Variants in ENTPD1 observed in about 807,000 individuals in gnomAD.
ENTPD1 encodes ectonucleoside triphosphate diphosphohydrolase 1.
ENTPD1 carries 33 observed loss-of-function variants against 57.0 expected under a neutral mutation model. The ratio of observed to expected loss-of-function variants is 0.58; its 90% CI spans 0.44 to 0.77. The LOEUF is 0.77. Ranked by LOEUF, ENTPD1 falls within the 30% of genes least tolerant of loss-of-function variation. The pLI, the probability that ENTPD1 is intolerant of heterozygous loss-of-function variation, is 0.00. For missense variants in ENTPD1, 501 were observed against 603.4 expected, an observed-to-expected ratio of 0.83 and a Z score of 1.78; for synonymous variants, 202 against 218.8, an observed-to-expected ratio of 0.92 and a Z score of 0.68.
intron 1 of ENTPD1, among the ~76,000 whole-genome samples, chr10:95,730,310 C>A (rs2097987854): frequency 6.6e-6 from 1 of 152,086 alleles, no homozygotes; most frequent in African/African-American, 2.4e-5. Flanking sequence ...CTGTCTCAGC[C>A]CCCTGAAATG....
At chr10:95,764,963 C>T (rs1161978354) in intron 1 of ENTPD1, among the ~76,000 whole-genome samples, 2 of 152,070 alleles carry the variant, frequency 1.3e-5, no homozygotes, top group Non-Finnish European at 2.9e-5. Flanking sequence ...CTCAGGTGAT[C>T]CACCTGCCTC....
At chr10:95,756,047 T>C (rs1032298749), upstream of ENTPD1, 5 of 1,481,646 alleles carry the variant, frequency 3.4e-6, no homozygotes, top group South Asian at 4.3e-5. Context: ...ATCTGTCCTT[T>C]CTAGTCAATG....
At chr10:95,759,245 A>G (rs1045229946) in intron 1 of ENTPD1, among the ~76,000 whole-genome samples, 1 of 152,192 alleles carries the variant, frequency 6.6e-6, no homozygotes, top group Non-Finnish European at 1.5e-5. Context: ...ATCTGTAAAG[A>G]CGTCCCTCTA....
At chr10:95,850,300 G>A (rs186911325) in intron 7 of ENTPD1, among the ~76,000 whole-genome samples, 125 of 152,264 alleles carry the variant, frequency 8.2e-4, no homozygotes, top group Admixed American at 3.5e-3. Context: ...GTCCTGTCCC[G>A]ATTTCTGCAT....
At chr10:95,798,239 G>A (rs2098234563) in intron 1 of ENTPD1, among the ~76,000 whole-genome samples, 1 of 152,154 alleles carries the variant, frequency 6.6e-6, no homozygotes, top group Admixed American at 6.5e-5. Flanking sequence ...GGTGATATTT[G>A]TGTGAACAGC....
chr10:95,728,127 A>G (rs2097985564), intron 1 of ENTPD1, among the ~76,000 whole-genome samples: 1 of 152,176 alleles, frequency 6.6e-6, no homozygotes, highest in African/African-American at 2.4e-5. Flanking sequence ...TTCACCCTTG[A>G]ACAATGTGGG....
At chr10:95,776,765 TAC>T (rs1310045572) in intron 1 of ENTPD1, among the ~76,000 whole-genome samples, 19 of 152,366 alleles carry the variant, frequency 1.2e-4, no homozygotes, top group African/African-American at 4.6e-4. Context: ...CACTTTTAGG[TAC>T]ACCAATCAAA....
chr10:95,735,720 C>T (rs999978102), intron 1 of ENTPD1, among the ~76,000 whole-genome samples: 5 of 151,120 alleles, frequency 3.3e-5, no homozygotes, highest in Admixed American at 1.3e-4. Context: ...CTCAGCCTCC[C>T]GAGTAGCTGG....
chr10:95,739,628 C>A (rs2097998164), intron 1 of ENTPD1, among the ~76,000 whole-genome samples: 1 of 152,214 alleles, frequency 6.6e-6, no homozygotes, highest in Admixed American at 6.5e-5. Context: ...TTACTTCCTT[C>A]ACTGAAGTCT....
At chr10:95,850,020 A>G (rs1437688551) in intron 7 of ENTPD1, among the ~76,000 whole-genome samples, 3 of 152,220 alleles carry the variant, frequency 2.0e-5, no homozygotes, top group African/African-American at 7.2e-5. Context: ...TCCTGCCTTC[A>G]AGCTTGAGCA....
chr10:95,868,447 CT>C lies in ENTPD1; in HGVS notation c.*2065del. On this transcript the variant is annotated 3_prime_UTR_variant, in exon 10 of 10. Coordinates refer to ENST00000371205, the MANE Select transcript of ENTPD1 (RefSeq NM_001776.6). The stretch of plus-strand genomic sequence containing the variant: ...ATGCTAATCAGTGGTTCCCATACCC[CT>C]GGCTTCCTAATTTTAATGTTTGCTC... 1 of 985,396 alleles carries C rather than the reference CT, an allele frequency of 1.0e-6. No individual in the cohort carries two copies. The highest frequency in any genetic ancestry group is 1.2e-6 in the Non-Finnish European group (1 of 829,928). The allele number at this position is 985,396 out of a possible 1,614,324, so 61.0% of individuals were successfully genotyped here. A position where few individuals can be genotyped will look rare whatever the true frequency, so the allele number is the denominator to read the frequency against.
At chr10:95,852,193 T>C (rs983265865) in intron 7 of ENTPD1, among the ~76,000 whole-genome samples, 1 of 152,228 alleles carries the variant, frequency 6.6e-6, no homozygotes, top group African/African-American at 2.4e-5. Context: ...ATGATGAGCA[T>C]TTTTTCATGT....
intron 1 of ENTPD1, among the ~76,000 whole-genome samples, chr10:95,731,210 T>A (rs935396286): frequency 6.6e-6 from 1 of 152,210 alleles, no homozygotes; most frequent in Non-Finnish European, 1.5e-5. Flanking sequence ...GTATTCATTC[T>A]CCATTCTCCT....
intron 8 of ENTPD1, chr10:95,861,290 A>G (rs1041826159): frequency 2.6e-5 from 4 of 152,470 alleles, no homozygotes; most frequent in African/African-American, 4.8e-5. Context: ...CTTGAAGCAC[A>G]ATTTTTTTCT....
At chr10:95,728,543 A>G (rs1467668161) in intron 1 of ENTPD1, among the ~76,000 whole-genome samples, 3 of 152,176 alleles carry the variant, frequency 2.0e-5, no homozygotes, top group African/African-American at 7.2e-5. Flanking sequence ...CACTTCCAGC[A>G]TCACTAGTGG....
At chr10:95,803,802 C>T (rs2140358786) in intron 1 of ENTPD1, among the ~76,000 whole-genome samples, 1 of 152,274 alleles carries the variant, frequency 6.6e-6, no homozygotes, top group East Asian at 1.9e-4. Context: ...AATGGCATTG[C>T]CTAGGTTTTC....
intron 1 of ENTPD1, among the ~76,000 whole-genome samples, chr10:95,733,324 C>T (rs569858901): frequency 6.6e-6 from 1 of 152,278 alleles, no homozygotes; most frequent in Non-Finnish European, 1.5e-5. Flanking sequence ...TCACTGTTAT[C>T]CTGTTCTTTT....
intron 7 of ENTPD1, among the ~76,000 whole-genome samples, chr10:95,856,651 C>CATATATATATAT (rs66753059): frequency 2.1e-5 from 3 of 142,208 alleles, no homozygotes; most frequent in African/African-American, 7.7e-5. Flanking sequence ...TATATGTATG[C>CATATATATATAT]ATATATATAT....
intron 9 of ENTPD1, 45 bp downstream of exon 9, chr10:95,864,906 G>A: frequency 6.2e-7 from 1 of 1,605,904 alleles, no homozygotes; most frequent in South Asian, 1.1e-5. Flanking sequence ...GGGGTTCGGT[G>A]GTAGTGACTG....
Sources: gnomAD v4.1 joint callset for allele counts (sites outside exome capture counted in the v4.1 genomes callset) on GRCh38, gnomAD v4.1.1 for gene constraint, MANE v1.5 for transcripts, NCBI Gene and HGNC (gene_info 2026-07-23, HGNC 2026-07-21) for gene names.